The following CLVS1 variants were observed in gnomAD, a reference collection of about 807,000 sequenced individuals.
CLVS1 encodes the protein clavesin-1.
A neutral mutation model predicts 33.1 loss-of-function variants in CLVS1; 10 were observed. That is an observed-to-expected ratio of 0.30 (90% CI 0.19 to 0.51). CLVS1 has a LOEUF of 0.51. CLVS1 is among the 20% of genes least tolerant of loss of function. The pLI, the probability that CLVS1 is intolerant of heterozygous loss-of-function variation, is 0.97. For synonymous variants in CLVS1, 163 were observed against 166.1 expected, an observed-to-expected ratio of 0.98 and a Z score of 0.14; for missense variants, 343 against 433.4, an observed-to-expected ratio of 0.79 and a Z score of 1.85.
chr8:61,019,605 CTCCCATTATCAT>C, the CLVS1 span, among the ~76,000 whole-genome samples: 9 of 152,144 alleles, frequency 5.9e-5, no homozygotes, highest in African/African-American at 1.9e-4. Flanking sequence ...GAGTCTCACT[CTCCCATTATCAT>C]TCTAGAATGT....
intron 2 of CLVS1, among the ~76,000 whole-genome samples, chr8:61,211,923 AG>A (rs1219973145): frequency 6.6e-6 from 1 of 152,146 alleles, no homozygotes; most frequent in African/African-American, 2.4e-5. Context: ...AAGGGAAGGA[AG>A]GGGCCACAAG....
At chr8:61,017,076 T>C in the CLVS1 span, among the ~76,000 whole-genome samples, 1 of 152,152 alleles carries the variant, frequency 6.6e-6, no homozygotes, top group African/African-American at 2.4e-5. Context: ...CCTGCTTCTC[T>C]CCAAAAAGAC....
At chr8:61,211,900 C>T (rs910399879) in intron 2 of CLVS1, among the ~76,000 whole-genome samples, 2 of 152,052 alleles carry the variant, frequency 1.3e-5, no homozygotes, top group Non-Finnish European at 2.9e-5. Context: ...AGAGCCTCTG[C>T]GGCTGGCTTT....
the CLVS1 span, among the ~76,000 whole-genome samples, chr8:61,040,240 A>G: frequency 1.4e-5 from 2 of 145,156 alleles, no homozygotes; most frequent in Non-Finnish European, 3.0e-5. Flanking sequence ...TATTCAGTTC[A>G]CCATTGATGT....
intron 3 of CLVS1, among the ~76,000 whole-genome samples, chr8:61,453,022 A>G (rs935156821): frequency 3.3e-5 from 5 of 152,082 alleles, no homozygotes. Flanking sequence ...CGCAGGGAGC[A>G]GCTCGCTGCT....
the CLVS1 span, among the ~76,000 whole-genome samples, chr8:61,026,404 G>A: frequency 6.6e-6 from 1 of 152,230 alleles, no homozygotes; most frequent in Non-Finnish European, 1.5e-5. Context: ...CACACAGTCT[G>A]TGACGCTTTG....
intron 2 of CLVS1, among the ~76,000 whole-genome samples, chr8:61,205,608 C>T (rs1293419909): frequency 6.6e-6 from 1 of 152,052 alleles, no homozygotes; most frequent in Non-Finnish European, 1.5e-5. Flanking sequence ...ATGTATGCTG[C>T]CTTTGGGTAT....
At chr8:61,375,775 C>G (rs1813616515) in intron 2 of CLVS1, among the ~76,000 whole-genome samples, 1 of 152,198 alleles carries the variant, frequency 6.6e-6, no homozygotes, top group African/African-American at 2.4e-5. Flanking sequence ...TAGAGATCCT[C>G]TAAGATCTTA....
At chr8:61,266,293 CT>C (rs35496534) in intron 2 of CLVS1, among the ~76,000 whole-genome samples, 87,370 of 139,024 alleles carry the variant, frequency 0.63, 28,281 homozygotes, top group East Asian at 0.96. Flanking sequence ...AATTTTCTTT[CT>C]TTTTTTTTTT....
chr8:61,391,447 G>A (rs1169264472), intron 3 of CLVS1, among the ~76,000 whole-genome samples: 1 of 152,192 alleles, frequency 6.6e-6, no homozygotes, highest in African/African-American at 2.4e-5. Flanking sequence ...AGACACAGGG[G>A]TAGTTGTTGC....
chr8:60,980,239 G>A, the CLVS1 span, among the ~76,000 whole-genome samples: 34 of 152,214 alleles, frequency 2.2e-4, no homozygotes, highest in Non-Finnish European at 3.8e-4. Flanking sequence ...AACTTATAAG[G>A]CTTTGCCTTT....
intron 1 of CLVS1, chr8:61,090,785 T>TTTTCC (rs1805229457): frequency 2.1e-6 from 1 of 479,026 alleles, no homozygotes; most frequent in East Asian, 5.5e-5. Flanking sequence ...CAGAGAAGAA[T>TTTTCC]TTTCCTCTAG....
intron 2 of CLVS1, among the ~76,000 whole-genome samples, chr8:61,347,500 T>G (rs563642848): frequency 3.3e-5 from 5 of 151,378 alleles, no homozygotes; most frequent in Admixed American, 6.6e-5. Context: ...TATATGTTGG[T>G]CAAAGGATAT....
upstream of CLVS1, among the ~76,000 whole-genome samples, chr8:61,287,300 A>G (rs1371355792): frequency 6.6e-6 from 1 of 152,194 alleles, no homozygotes; most frequent in Non-Finnish European, 1.5e-5. Context: ...CATTTCTTCT[A>G]TAAATTCTTT....
intron 2 of CLVS1, among the ~76,000 whole-genome samples, chr8:61,173,129 C>T (rs983710462): frequency 6.6e-5 from 10 of 152,028 alleles, no homozygotes; most frequent in Non-Finnish European, 1.5e-4. Flanking sequence ...TTTTCAGTTC[C>T]TTCTTTAATT....
At chr8:61,051,454 C>T in the CLVS1 span, among the ~76,000 whole-genome samples, 50,449 of 152,098 alleles carry the variant, frequency 0.33, 9,394 homozygotes, top group African/African-American at 0.5. Context: ...GGGGAGGCAC[C>T]GGCTGCATTC....
intron 2 of CLVS1, among the ~76,000 whole-genome samples, chr8:61,267,336 C>A (rs1400997984): frequency 6.6e-6 from 1 of 151,948 alleles, no homozygotes; most frequent in East Asian, 1.9e-4. Flanking sequence ...AATCTTGTAT[C>A]TAAATTTGTG....
rs567405991 is a variant in CLVS1 at position 61,409,330 on chromosome 8, T to C, written c.630+32551T>C. Among the ~76,000 whole-genome samples the C allele has an allele frequency of 3.3e-5, 5 of 152,318 alleles. 1 individual carries two copies. The South Asian group carries it at 1.0e-3, about 32-fold the overall frequency. ...TTTGTGTTACATAAACAGAAGTATA[T>C]ATTGTTATTTCTCCTCTTTTTTATA... On this transcript the variant is annotated intron_variant, in intron 3 of 5. Coordinates refer to ENST00000325897, the MANE Select transcript of CLVS1 (RefSeq NM_173519.3).
At chr8:61,268,160 AC>A (rs907695797) in intron 2 of CLVS1, among the ~76,000 whole-genome samples, 2 of 51,190 alleles carry the variant, frequency 3.9e-5, no homozygotes, top group Admixed American at 2.1e-4. Context: ...GTGCTATCCC[AC>A]CCCCCTCCCC....
Sources: gnomAD v4.1 joint callset for allele counts (sites outside exome capture counted in the v4.1 genomes callset) on GRCh38, gnomAD v4.1.1 for gene constraint, MANE v1.5 for transcripts, NCBI Gene and HGNC (gene_info 2026-07-23, HGNC 2026-07-21) for gene names.